The following CUBN variants were observed in gnomAD, a reference collection of about 807,000 sequenced individuals.
The protein encoded by CUBN is cubilin.
CUBN carries 282 observed loss-of-function variants against 405.3 expected under a neutral mutation model. The observed-to-expected ratio is 0.70, with a 90% confidence interval of 0.63 to 0.77. The LOEUF is 0.77. Among genes scored for constraint, CUBN ranks in the 30% least tolerant of loss-of-function variants. The pLI, the probability that CUBN is intolerant of heterozygous loss-of-function variation, is 0.00. For synonymous variants in CUBN, 1,684 were observed against 1,617.0 expected (o/e 1.04, Z -0.99); for missense variants, 4,514 against 4,475.2 (o/e 1.01, Z -0.25).
chr10:17,032,604 A>G (rs1052828856), intron 27 of CUBN, among the ~76,000 whole-genome samples: 4 of 152,226 alleles, frequency 2.6e-5, no homozygotes, highest in African/African-American at 9.6e-5. Flanking sequence ...TGGGCATTCC[A>G]TTAATGACAA....
At chr10:16,836,966 A>C (rs2131313513) in intron 62 of CUBN, among the ~76,000 whole-genome samples, 1 of 152,254 alleles carries the variant, frequency 6.6e-6, no homozygotes, top group African/African-American at 2.4e-5. Context: ...GGTAAAAACA[A>C]GTTGTACCAA....
Position 17,019,953 on chromosome 10 carries a change from A to G in CUBN, c.4048T>C (p.Tyr1350His), listed in dbSNP as rs1834446394. The change falls in exon 28 of 67, where the codon TAC becomes CAC. Residue 1350 changes from tyrosine to histidine, a missense_variant. By Grantham distance (83) the Tyr-to-His change is moderately conservative (BLOSUM62 2). Coordinates refer to ENST00000377833, the MANE Select transcript of CUBN (RefSeq NM_001081.4). Reference protein sequence around the residue: ...LYDGPRQMGRYCGVDLPPPGS... With the variant: ...LYDGPRQMGRHCGVDLPPPGS... The stretch of plus-strand genomic sequence containing the variant: ...GGAGGGGGCAGGTCTACTCCACAGT[A>G]GCGTCCCATCTGCCGTGGTCCATCA... 1 of 1,614,032 alleles carries G rather than the reference A, an allele frequency of 6.2e-7. No homozygotes were observed. Among genetic ancestry groups the G allele is most frequent in the African/African-American group, 1.3e-5 (1 of 74,934 alleles).
chr10:16,882,822 C>T (rs1036590930), intron 56 of CUBN, among the ~76,000 whole-genome samples: 4 of 151,936 alleles, frequency 2.6e-5, no homozygotes, highest in African/African-American at 4.8e-5. Context: ...GAGACCAGCC[C>T]GGCCAACAAG....
intron 28 of CUBN, among the ~76,000 whole-genome samples, chr10:16,997,006 C>A (rs1833752439): frequency 6.6e-6 from 1 of 152,230 alleles, no homozygotes; most frequent in Admixed American, 6.5e-5. Flanking sequence ...TGAGGATGTT[C>A]ACGTGCTTCA....
At chr10:16,910,238 TCTTCTCCTCCTC>T (rs1379526284) in intron 48 of CUBN, among the ~76,000 whole-genome samples, 2 of 151,642 alleles carry the variant, frequency 1.3e-5, no homozygotes, top group Middle Eastern at 3.2e-3. Flanking sequence ...TTCTTCTCCC[TCTTCTCCTCCTC>T]CTTCTCCTTC....
chr10:16,909,545 A>ATTC (rs1841662284), intron 48 of CUBN, among the ~76,000 whole-genome samples: 1 of 152,240 alleles, frequency 6.6e-6, no homozygotes, highest in Admixed American at 6.5e-5. Context: ...AATGGGCACC[A>ATTC]CATTGATGGA....
chr10:16,978,535 T>A (rs945212813), intron 31 of CUBN, among the ~76,000 whole-genome samples: 1 of 152,224 alleles, frequency 6.6e-6, no homozygotes, highest in Non-Finnish European at 1.5e-5. Flanking sequence ...AATAACCTAA[T>A]CTTGTAAAAT....
intron 56 of CUBN, 129 bp downstream of exon 56, chr10:16,888,288 A>G: frequency 1.3e-6 from 1 of 759,836 alleles, no homozygotes; most frequent in Non-Finnish European, 2.2e-6. Flanking sequence ...TAAGTGAGTG[A>G]GCAGACATGT....
intron 22 of CUBN, among the ~76,000 whole-genome samples, chr10:17,048,083 C>G (rs1211902602): frequency 6.6e-6 from 1 of 152,160 alleles, no homozygotes; most frequent in Non-Finnish European, 1.5e-5. Context: ...GAATGAAAAC[C>G]CTCTCAAACA....
At chr10:17,114,274 GT>G in intron 7 of CUBN, 85 bp from the exon 8 acceptor site, 1 of 1,345,896 alleles carries the variant, frequency 7.4e-7, no homozygotes, top group Non-Finnish European at 1.0e-6. Context: ...GCCCCTAACT[GT>G]TTATCCTCTA....
chr10:17,024,997 C>T (rs573851574), intron 27 of CUBN, among the ~76,000 whole-genome samples: 17 of 152,156 alleles, frequency 1.1e-4, no homozygotes, highest in Non-Finnish European at 2.1e-4. Flanking sequence ...GAAAAAGCAA[C>T]TCAAGAGTTT....
At chr10:17,040,112 T>A (rs1027946703) in intron 27 of CUBN, among the ~76,000 whole-genome samples, 2 of 152,192 alleles carry the variant, frequency 1.3e-5, no homozygotes, top group African/African-American at 4.8e-5. Flanking sequence ...CAATGGATGT[T>A]GAAGTCTTTG....
chr10:16,931,654 C>A (rs1842367861), intron 40 of CUBN, among the ~76,000 whole-genome samples: 1 of 152,124 alleles, frequency 6.6e-6, no homozygotes, highest in Admixed American at 6.6e-5. Context: ...AAAAAGATTT[C>A]ATTTATTACT....
At chr10:16,966,880 G>A (rs1843406969) in intron 31 of CUBN, among the ~76,000 whole-genome samples, 1 of 152,140 alleles carries the variant, frequency 6.6e-6, no homozygotes. Context: ...TTCACATGGA[G>A]GTGCAAAGTG....
intron 54 of CUBN, among the ~76,000 whole-genome samples, chr10:16,894,385 A>T (rs1339540595): frequency 6.6e-6 from 1 of 152,152 alleles, no homozygotes; most frequent in Non-Finnish European, 1.5e-5. Flanking sequence ...TTTTCTACAA[A>T]ATAATGAGGT....
chr10:16,962,383 T>G (rs1313130138), intron 31 of CUBN, among the ~76,000 whole-genome samples: 1 of 150,828 alleles, frequency 6.6e-6, no homozygotes, highest in Non-Finnish European at 1.5e-5. Flanking sequence ...GTGGGGGTTG[T>G]CCAGAAATAT....
At chr10:16,976,954 T>C (rs1416808074) in intron 31 of CUBN, among the ~76,000 whole-genome samples, 1 of 152,214 alleles carries the variant, frequency 6.6e-6, no homozygotes, top group Non-Finnish European at 1.5e-5. Context: ...AGTATGCAGT[T>C]CCTTGCTGAA....
chr10:17,046,074 G>C lies in CUBN; in HGVS notation c.3350C>G (p.Ser1117Ter). 6.2e-7 allele frequency: 1 copy of C among 1,613,618 alleles called. No individual in the cohort carries two copies. ...GCCATAGAATATTCCCAGCAATGGT[G>C]ATTTTTCATAGCCTCCATCTCTGGC... ...LEIRDGGYEK[S>*]PLLGIFYGSN... is the part of the protein sequence containing the mutation. The change falls in exon 24 of 67, where the codon TCA becomes TGA. Residue 1117 changes from serine (S) to a stop codon, truncating the protein, a stop_gained. Coordinates refer to ENST00000377833, the MANE Select transcript of CUBN (RefSeq NM_001081.4). LOFTEE classifies it high-confidence loss of function.
intron 66 of CUBN, among the ~76,000 whole-genome samples, chr10:16,825,926 A>C (rs1040473470): frequency 8.7e-5 from 13 of 149,566 alleles, no homozygotes; most frequent in African/African-American, 2.7e-4. Context: ...TCTGTAAGAG[A>C]TACATCAAGG....
Sources: allele counts gnomAD v4.1 joint callset (sites outside exome capture counted in the v4.1 genomes callset), GRCh38; gene constraint gnomAD v4.1.1; transcripts MANE v1.5; gene names NCBI Gene and HGNC (gene_info 2026-07-23, HGNC 2026-07-21).